CSMD3: variants seen among roughly 807,000 people sequenced by gnomAD.
CSMD3 encodes the protein CUB and sushi domain-containing protein 3.
Under a neutral mutation model 435.2 loss-of-function variants are expected in CSMD3, and 177 were observed. That is an observed-to-expected ratio of 0.41 (90% confidence interval 0.36 to 0.46). The LOEUF is 0.46. Ranked by LOEUF, CSMD3 falls within the 20% of genes least tolerant of loss-of-function variation. CSMD3 has a pLI of 0.34. For synonymous variants in CSMD3, 1,656 were observed against 1,520.5 expected (o/e 1.09, Z -2.07); for missense variants, 4,265 against 4,504.6 (o/e 0.95, Z 1.52).
At chr8:112,741,855 T>C (rs371248943) in intron 13 of CSMD3, among the ~76,000 whole-genome samples, 11 of 150,876 alleles carry the variant, frequency 7.3e-5, no homozygotes, top group African/African-American at 2.4e-4. Flanking sequence ...TAAATTGTAG[T>C]GGGTTAAGGA....
chr8:112,398,536 G>A (rs564953995), intron 35 of CSMD3, among the ~76,000 whole-genome samples: 1 of 152,224 alleles, frequency 6.6e-6, no homozygotes, highest in East Asian at 1.9e-4. Flanking sequence ...GGCTTTCCAG[G>A]ACACCCTTTG....
intron 32 of CSMD3, among the ~76,000 whole-genome samples, chr8:112,468,498 C>T (rs1366668461): frequency 2.0e-5 from 3 of 151,962 alleles, no homozygotes; most frequent in Non-Finnish European, 4.4e-5. Flanking sequence ...CCTCCCTCCC[C>T]GAAATCTTAT....
At chr8:112,872,297 C>A (rs1212053433) in intron 10 of CSMD3, among the ~76,000 whole-genome samples, 1 of 152,046 alleles carries the variant, frequency 6.6e-6, no homozygotes, top group African/African-American at 2.4e-5. Context: ...TCAAATACAT[C>A]TGAGTGTCAT....
chr8:113,329,680 T>A (rs569990865), intron 1 of CSMD3, among the ~76,000 whole-genome samples: 5 of 143,812 alleles, frequency 3.5e-5, no homozygotes, highest in South Asian at 2.3e-4. Context: ...CCCAGACACA[T>A]CACAGTGAAA....
intron 2 of CSMD3, among the ~76,000 whole-genome samples, chr8:113,308,740 A>G (rs1038247254): frequency 1.3e-5 from 2 of 152,270 alleles, no homozygotes; most frequent in South Asian, 4.1e-4. Context: ...TTAATGGCAT[A>G]GAAGTTATAA....
chr8:112,927,894 T>C (rs1437390861), intron 9 of CSMD3, among the ~76,000 whole-genome samples: 3 of 152,136 alleles, frequency 2.0e-5, no homozygotes, highest in Non-Finnish European at 2.9e-5. Flanking sequence ...TGTTACTGGG[T>C]ATCTTGCTTT....
rs544307888 is a variant in CSMD3 at position 113,079,041 on chromosome 8, GATTATT to G, written c.917+19709_917+19714del. 3.3e-5 allele frequency among the ~76,000 whole-genome samples: 5 copies of G among 152,186 alleles called. No individual in the cohort carries two copies. In the East Asian group the frequency reaches 9.6e-4, roughly 29 times the overall value. ...AGAATATGTTTTCTCTTTGAGCAAA[GATTATT>G]ATTATAAGATTTAAGCAACCCTGAC... On this transcript the variant is annotated intron_variant, in intron 5 of 70. Transcript: ENST00000297405.
intron 42 of CSMD3, among the ~76,000 whole-genome samples, chr8:112,339,165 A>G (rs1281651552): frequency 6.6e-6 from 1 of 152,080 alleles, no homozygotes; most frequent in African/African-American, 2.4e-5. Context: ...TCTGCAACCA[A>G]TCAGACTGAT....
At chr8:112,401,923 A>G (rs775837971) in intron 35 of CSMD3, among the ~76,000 whole-genome samples, 8 of 152,204 alleles carry the variant, frequency 5.3e-5, no homozygotes, top group Non-Finnish European at 7.4e-5. Flanking sequence ...TAAAAATAAA[A>G]TGTCAACAAA....
At chr8:113,308,258 CTTTTTT>C (rs11440584) in intron 2 of CSMD3, among the ~76,000 whole-genome samples, 1 of 64,918 alleles carries the variant, frequency 1.5e-5, no homozygotes, top group African/African-American at 6.1e-5. Flanking sequence ...TCATTTAAGT[CTTTTTT>C]TTTTTTTTTT....
chr8:113,089,355 G>C (rs868044720), intron 5 of CSMD3, among the ~76,000 whole-genome samples: 86 of 144,140 alleles, frequency 6.0e-4, no homozygotes, highest in African/African-American at 2.2e-3. Flanking sequence ...TGTTCTTCAA[G>C]AGGAATTCTA....
chr8:112,592,803 A>G (rs1055657742), intron 22 of CSMD3, among the ~76,000 whole-genome samples: 1 of 152,080 alleles, frequency 6.6e-6, no homozygotes, highest in Non-Finnish European at 1.5e-5. Flanking sequence ...TATGCCTGAT[A>G]CCGTATTAGG....
At chr8:113,013,749 G>T (rs907030897) in intron 6 of CSMD3, among the ~76,000 whole-genome samples, 1 of 152,086 alleles carries the variant, frequency 6.6e-6, no homozygotes, top group South Asian at 2.1e-4. Context: ...CCTGGGGAGC[G>T]AGTCCATTGT....
At chr8:113,199,153 C>T (rs539817420) in intron 3 of CSMD3, among the ~76,000 whole-genome samples, 36 of 150,538 alleles carry the variant, frequency 2.4e-4, no homozygotes, top group Middle Eastern at 3.5e-3. Context: ...ACATTGAAGA[C>T]GGTTCATTTA....
chr8:113,380,133 A>T (rs948640908), intron 1 of CSMD3, among the ~76,000 whole-genome samples: 2 of 152,122 alleles, frequency 1.3e-5, no homozygotes, highest in African/African-American at 2.4e-5. Context: ...ACCAGCTATA[A>T]CATCCGTGGG....
intron 1 of CSMD3, among the ~76,000 whole-genome samples, chr8:113,317,420 T>C (rs1378548287): frequency 6.6e-6 from 1 of 152,200 alleles, no homozygotes; most frequent in Non-Finnish European, 1.5e-5. Context: ...AGGACATATG[T>C]CTTAAAATAA....
intron 5 of CSMD3, among the ~76,000 whole-genome samples, chr8:113,081,877 T>C (rs1243257785): frequency 6.6e-6 from 1 of 152,070 alleles, no homozygotes; most frequent in Non-Finnish European, 1.5e-5. Context: ...CCAGATAATA[T>C]GAGGCAAAGC....
At chr8:113,050,999 A>C (rs1490710858) in intron 5 of CSMD3, among the ~76,000 whole-genome samples, 2 of 152,098 alleles carry the variant, frequency 1.3e-5, no homozygotes, top group Non-Finnish European at 2.9e-5. Flanking sequence ...GGAAGTGAGA[A>C]AGGGTGTGTT....
chr8:113,125,660 A>T (rs1239138915), intron 4 of CSMD3, among the ~76,000 whole-genome samples: 10 of 152,012 alleles, frequency 6.6e-5, no homozygotes, highest in Non-Finnish European at 1.2e-4. Context: ...GTAAAGTGAA[A>T]TTAAACCAGG....
Sources: gnomAD v4.1 joint callset for allele counts (sites outside exome capture counted in the v4.1 genomes callset) on GRCh38, gnomAD v4.1.1 for gene constraint, MANE v1.5 for transcripts, NCBI Gene and HGNC (gene_info 2026-07-23, HGNC 2026-07-21) for gene names.